NRG1: variants seen among roughly 807,000 people sequenced by gnomAD.
The protein encoded by NRG1 is neuregulin 1.
NRG1 carries 18 observed loss-of-function variants against 63.8 expected under a neutral mutation model. That is an observed-to-expected ratio of 0.28 (90% CI 0.19 to 0.42). The LOEUF (loss-of-function observed/expected upper bound fraction) is 0.42, where lower values mean the gene tolerates loss of function less well. NRG1 is among the 10% of genes least tolerant of loss of function. NRG1 has a pLI of 1.00. For synonymous variants in NRG1, 302 were observed against 301.3 expected, an observed-to-expected ratio of 1.00 and a Z score of -0.02; for missense variants, 762 against 814.7, an observed-to-expected ratio of 0.94 and a Z score of 0.79.
At chr8:31,741,306 C>G (rs1015264337) in intron 1 of NRG1, among the ~76,000 whole-genome samples, 5 of 151,878 alleles carry the variant, frequency 3.3e-5, no homozygotes, top group African/African-American at 1.2e-4. Context: ...TACCCCAAAG[C>G]TCAGTATAGT....
At chr8:32,189,453 T>C (rs1842274154) in intron 1 of NRG1, among the ~76,000 whole-genome samples, 1 of 152,222 alleles carries the variant, frequency 6.6e-6, no homozygotes, top group Admixed American at 6.5e-5. Context: ...TGGTATGGTA[T>C]GTAGAACCTA....
At chr8:31,902,017 C>G (rs1358900549) in intron 1 of NRG1, among the ~76,000 whole-genome samples, 3 of 152,024 alleles carry the variant, frequency 2.0e-5, no homozygotes, top group Admixed American at 1.3e-4. Flanking sequence ...ATGTCAATAA[C>G]TATTTACAGA....
At chr8:32,740,648 T>G (rs1421457240) in intron 6 of NRG1, among the ~76,000 whole-genome samples, 4 of 152,206 alleles carry the variant, frequency 2.6e-5, no homozygotes, top group African/African-American at 9.6e-5. Flanking sequence ...GTTTGTTGTT[T>G]AAGCTTAAAC....
chr8:32,067,143 A>T (rs891304274), intron 1 of NRG1, among the ~76,000 whole-genome samples: 4 of 152,166 alleles, frequency 2.6e-5, no homozygotes, highest in Non-Finnish European at 4.4e-5. Context: ...AACAGGGACA[A>T]TTTGACTTCC....
chr8:31,753,267 G>A (rs566923768), intron 1 of NRG1, among the ~76,000 whole-genome samples: 1 of 152,010 alleles, frequency 6.6e-6, no homozygotes, highest in East Asian at 1.9e-4. Context: ...AGATAAAAAT[G>A]TTGAAGGGCT....
chr8:31,777,582 A>G (rs1819270327), intron 1 of NRG1, among the ~76,000 whole-genome samples: 1 of 152,216 alleles, frequency 6.6e-6, no homozygotes, highest in African/African-American at 2.4e-5. Flanking sequence ...TGTTACTATA[A>G]AGGAATACCT....
chr8:31,991,110 G>A (rs943644218), intron 1 of NRG1, among the ~76,000 whole-genome samples: 1 of 152,020 alleles, frequency 6.6e-6, no homozygotes, highest in Non-Finnish European at 1.5e-5. Flanking sequence ...AATACATATT[G>A]TAGTAGTTTT....
At chr8:32,134,789 G>T (rs1411120351) in intron 1 of NRG1, among the ~76,000 whole-genome samples, 1 of 152,074 alleles carries the variant, frequency 6.6e-6, no homozygotes, top group East Asian at 1.9e-4. Flanking sequence ...GGCTAAGGTG[G>T]GAGGATAGCT....
intron 1 of NRG1, among the ~76,000 whole-genome samples, chr8:31,992,076 T>A (rs1308089914): frequency 6.6e-6 from 1 of 151,928 alleles, no homozygotes; most frequent in Non-Finnish European, 1.5e-5. Context: ...GGCTCATACC[T>A]GTAATCCAAG....
chr8:32,369,124 G>A (rs1281514893), intron 1 of NRG1, among the ~76,000 whole-genome samples: 1 of 152,244 alleles, frequency 6.6e-6, no homozygotes, highest in African/African-American at 2.4e-5. Context: ...CTTCATTGAT[G>A]TCAAGAGTTT....
intron 1 of NRG1, chr8:31,639,503 C>T: frequency 1.3e-6 from 2 of 1,523,350 alleles, no homozygotes; most frequent in Non-Finnish European, 8.8e-7. Flanking sequence ...CACGCAACTC[C>T]GCCTCCAGGG....
rs67857068 is a variant in NRG1, at chr8:32,040,711, CAT to C, written c.37+401305_37+401306del. ...TATAAATTTAGTTCTGAAATTTAGG[CAT>C]ATATATATATATATATATATATATG... is the stretch of plus-strand genomic sequence containing the variant. On this transcript the variant is annotated intron_variant, in intron 1 of 10. Transcript: ENST00000519301. 4.4e-3 allele frequency among the ~76,000 whole-genome samples: 374 copies of C among 85,284 alleles called. 5 individuals are homozygous for C. The highest frequency in any genetic ancestry group is 0.015 in the African/African-American group (352 of 23,308). The allele number at this position is 85,284 out of a possible 152,430, so 55.9% of individuals were successfully genotyped here. A position where few individuals can be genotyped will look rare whatever the true frequency, so the allele number is the denominator to read the frequency against.
chr8:31,816,041 C>A (rs1823409226), intron 1 of NRG1, among the ~76,000 whole-genome samples: 1 of 152,068 alleles, frequency 6.6e-6, no homozygotes, highest in Non-Finnish European at 1.5e-5. Context: ...TTTAGGAGTT[C>A]TCTATATATT....
chr8:31,950,912 C>A (rs975952909), intron 1 of NRG1, among the ~76,000 whole-genome samples: 3 of 152,206 alleles, frequency 2.0e-5, no homozygotes, highest in African/African-American at 7.2e-5. Context: ...AAAGAGAGGA[C>A]ACTGTGAAAA....
intron 1 of NRG1, among the ~76,000 whole-genome samples, chr8:32,080,446 C>T (rs1827271114): frequency 6.6e-6 from 1 of 152,150 alleles, no homozygotes; most frequent in Non-Finnish European, 1.5e-5. Flanking sequence ...AAAGTGACTA[C>T]ACCTAAGCTC....
chr8:32,758,981 A>C (rs1830171941), intron 9 of NRG1, among the ~76,000 whole-genome samples: 1 of 152,216 alleles, frequency 6.6e-6, no homozygotes, highest in Admixed American at 6.5e-5. Flanking sequence ...ATTTGTATGG[A>C]ATTCTAGTCA....
chr8:32,101,536 C>G (rs1379638882), intron 1 of NRG1, among the ~76,000 whole-genome samples: 1 of 146,226 alleles, frequency 6.8e-6, no homozygotes, highest in African/African-American at 2.5e-5. Context: ...GAAATATGAC[C>G]TAGACTGTGT....
chr8:32,659,476 C>T (rs1802342499), intron 5 of NRG1, among the ~76,000 whole-genome samples: 1 of 152,160 alleles, frequency 6.6e-6, no homozygotes, highest in Non-Finnish European at 1.5e-5. Context: ...CTTGATCATG[C>T]ACCTAATTGG....
chr8:31,894,546 C>CTTTTTTTTTTTTTTTTTTTTTTTT (rs370312165), intron 1 of NRG1, among the ~76,000 whole-genome samples: 1 of 98,068 alleles, frequency 1.0e-5, no homozygotes, highest in Non-Finnish European at 2.2e-5. Flanking sequence ...CTATTTCTTT[C>CTTTTTTTTTTTTTTTTTTTTTTTT]TTTTTTCTTT....
Sources: allele counts gnomAD v4.1 joint callset (sites outside exome capture counted in the v4.1 genomes callset), GRCh38; gene constraint gnomAD v4.1.1; transcripts MANE v1.5; gene names NCBI Gene and HGNC (gene_info 2026-07-23, HGNC 2026-07-21).